Variants in LRRN1 observed in about 807,000 individuals in gnomAD.
The protein encoded by LRRN1 is leucine rich repeat neuronal 1.
LRRN1 carries 14 observed loss-of-function variants against 45.8 expected under a neutral mutation model. That is an observed-to-expected ratio of 0.31 (90% CI 0.20 to 0.48). The LOEUF (loss-of-function observed/expected upper bound fraction) is 0.48, where lower values mean the gene tolerates loss of function less well. LRRN1 is among the 20% of genes least tolerant of loss of function. The pLI is 0.99. For synonymous variants in LRRN1, 359 were observed against 330.1 expected (o/e 1.09, Z -0.95); for missense variants, 789 against 874.2 (o/e 0.90, Z 1.23).
At chr3:3,837,224 ATGC>A (rs1693540045) in intron 1 of LRRN1, among the ~76,000 whole-genome samples, 1 of 152,194 alleles carries the variant, frequency 6.6e-6, no homozygotes, top group Non-Finnish European at 1.5e-5. Flanking sequence ...TTGACTTTCC[ATGC>A]AGTATCAAGC....
intron 1 of LRRN1, among the ~76,000 whole-genome samples, chr3:3,807,096 G>A (rs1228789793): frequency 1.3e-5 from 2 of 151,970 alleles, no homozygotes; most frequent in Non-Finnish European, 2.9e-5. Context: ...AAGGACCTAC[G>A]ATGCATCGGT....
At chr3:3,842,197 C>T (rs569785498) in intron 1 of LRRN1, among the ~76,000 whole-genome samples, 8 of 152,082 alleles carry the variant, frequency 5.3e-5, no homozygotes, top group South Asian at 2.1e-4. Flanking sequence ...ATTGTATATG[C>T]GGTCCATCAT....
chr3:3,841,739 G>A (rs537775750), intron 1 of LRRN1, among the ~76,000 whole-genome samples: 13 of 152,164 alleles, frequency 8.5e-5, no homozygotes, highest in East Asian at 1.9e-4. Flanking sequence ...TGTTGGTCTC[G>A]AACTCCTGAC....
intron 1 of LRRN1, among the ~76,000 whole-genome samples, chr3:3,825,634 C>T (rs201507152): frequency 6.6e-6 from 1 of 152,220 alleles, no homozygotes; most frequent in East Asian, 1.9e-4. Context: ...GCAAGGCACT[C>T]GAGTTTCATT....
chr3:3,837,708 CT>C (rs138443731), intron 1 of LRRN1, among the ~76,000 whole-genome samples: 3,936 of 150,024 alleles, frequency 0.026, 77 homozygotes, highest in South Asian at 0.057. Context: ...ATTTTTTTTT[CT>C]TTTTTTTTAA....
intron 1 of LRRN1, among the ~76,000 whole-genome samples, chr3:3,820,161 T>C (rs1693074073): frequency 6.6e-6 from 1 of 152,230 alleles, no homozygotes; most frequent in Admixed American, 6.5e-5. Flanking sequence ...GTTTTTAGAA[T>C]TACTTTTACT....
intron 1 of LRRN1, among the ~76,000 whole-genome samples, chr3:3,837,199 T>G (rs13083087): frequency 0.66 from 99,698 of 152,104 alleles, 34,216 homozygotes; most frequent in Non-Finnish European, 0.77. Flanking sequence ...GCCCTGAGTG[T>G]GCAAAAAGAA....
rs746714242 is a variant in LRRN1, at chr3:3,845,482, G to A, written c.841G>A (p.Gly281Arg). 5.0e-6 allele frequency: 8 copies of A among 1,613,910 alleles called. No individual in the cohort carries two copies. In the African/African-American group the frequency reaches 8.0e-5, roughly 16 times the overall value. Residue 281 changes from glycine (G) to arginine (R), a missense_variant, in exon 2 of 2, where the codon GGG (glycine) becomes AGG (arginine). Coordinates refer to ENST00000319331, the MANE Select transcript of LRRN1 (RefSeq NM_020873.7). This position sits in a 1 kb window ranked among gnomAD's most constrained non-coding sequence, Gnocchi z 6.5. ...NKNPIHKIQE[G>R]DFKNMLRLKE... ...AAACCCCATTCACAAAATCCAAGAA[G>A]GGGACTTCAAAAATATGCTTCGGTT...
chr3:3,804,388 C>T (rs1397903811), intron 1 of LRRN1, among the ~76,000 whole-genome samples: 2 of 152,154 alleles, frequency 1.3e-5, no homozygotes, highest in Non-Finnish European at 2.9e-5. Flanking sequence ...TTATATGGAA[C>T]CATTGTACCT....
In LRRN1 at chr3:3,848,008, A is replaced by G. The variant is rs931356082; in HGVS notation, c.*1216A>G. ...GTGTATATATATATGAATATATTGGATATGTCATTTCTGTAAGAGTTTTGT... is the reference window on the plus strand; with the variant it reads ...GTGTATATATATATGAATATATTGGGTATGTCATTTCTGTAAGAGTTTTGT... On this transcript the variant is annotated 3_prime_UTR_variant, in exon 2 of 2. Transcript: ENST00000319331. 3.3e-5 allele frequency among the ~76,000 whole-genome samples: 5 copies of G among 152,164 alleles called. No homozygotes were observed. The highest frequency in any genetic ancestry group is 4.8e-5 in the African/African-American group (2 of 41,430).
At chr3:3,830,647 C>G (rs1218924667) in intron 1 of LRRN1, among the ~76,000 whole-genome samples, 1 of 152,204 alleles carries the variant, frequency 6.6e-6, no homozygotes, top group African/African-American at 2.4e-5. Flanking sequence ...GCAGGGTGGC[C>G]TGAGTGGAGA....
At chr3:3,802,359 C>T (rs1181210086) in intron 1 of LRRN1, among the ~76,000 whole-genome samples, 1 of 152,152 alleles carries the variant, frequency 6.6e-6, no homozygotes, top group African/African-American at 2.4e-5. Context: ...CTTTTGTCAA[C>T]CTCAAACACT....
chr3:3,812,885 A>T (rs1022439452), intron 1 of LRRN1, among the ~76,000 whole-genome samples: 2 of 151,478 alleles, frequency 1.3e-5, no homozygotes, highest in African/African-American at 2.4e-5. Context: ...GATATAATGC[A>T]TGTGAACGTG....
chr3:3,845,895 G>C lies in LRRN1; in HGVS notation c.1254G>C (p.Ser418=). ...HQVKEVLIQD[S]SEQCLPMISH... Reference sequence around the variant, plus strand: ...TGAAGGAAGTTTTAATCCAGGATTCGAGTGAACAGTGCCTCCCAATGATAT... The same window carrying C: ...TGAAGGAAGTTTTAATCCAGGATTCCAGTGAACAGTGCCTCCCAATGATAT... Residue 418 remains serine (S), a synonymous_variant, in exon 2 of 2, where the codon TCG becomes TCC. Coordinates refer to ENST00000319331, the MANE Select transcript of LRRN1 (RefSeq NM_020873.7). This position sits in a 1 kb window ranked among gnomAD's most constrained non-coding sequence, Gnocchi z 6.5. 3 of 1,614,066 alleles carry C rather than the reference G, an allele frequency of 1.9e-6. No homozygotes were observed. The highest frequency in any genetic ancestry group is 2.2e-5 in the East Asian group (1 of 44,866).
Position 3,849,744 on chromosome 3 carries a change from T to C in LRRN1, c.*2952T>C, listed in dbSNP as rs186702145. 2.0e-5 allele frequency among the ~76,000 whole-genome samples: 3 copies of C among 152,312 alleles called. No individual in the cohort carries two copies. Among genetic ancestry groups the C allele is most frequent in the Admixed American group, 2.0e-4 (3 of 15,304 alleles). On this transcript the variant is annotated 3_prime_UTR_variant, in exon 2 of 2. Coordinates refer to ENST00000319331, the MANE Select transcript of LRRN1 (RefSeq NM_020873.7). ...CTGATGCCATGGATATAAAAACAAATGTAATGTTTGATTGTCAGTGTTTCT... is the reference window on the plus strand; with the variant it reads ...CTGATGCCATGGATATAAAAACAAACGTAATGTTTGATTGTCAGTGTTTCT...
At chr3:3,832,739 C>G (rs1411278749) in intron 1 of LRRN1, among the ~76,000 whole-genome samples, 1 of 152,184 alleles carries the variant, frequency 6.6e-6, no homozygotes, top group Non-Finnish European at 1.5e-5. Context: ...TGGCTCCAGT[C>G]TGGAAATTGA....
At chr3:3,808,474 G>A (rs1018268002) in intron 1 of LRRN1, among the ~76,000 whole-genome samples, 1 of 152,222 alleles carries the variant, frequency 6.6e-6, no homozygotes, top group African/African-American at 2.4e-5. Context: ...ATGAATGAAT[G>A]GGTACACATC....
intron 1 of LRRN1, among the ~76,000 whole-genome samples, chr3:3,817,803 G>C (rs1693018553): frequency 6.6e-6 from 1 of 152,014 alleles, no homozygotes; most frequent in Non-Finnish European, 1.5e-5. Context: ...GATGAGCAGA[G>C]AAAAATGCAA....
At chr3:3,836,209 C>CTTT (rs1693508732) in intron 1 of LRRN1, among the ~76,000 whole-genome samples, 1 of 152,088 alleles carries the variant, frequency 6.6e-6, no homozygotes, top group South Asian at 2.1e-4. Context: ...GTGGTAAAAA[C>CTTT]ACTTAACATT....
Sources: gnomAD v4.1 joint callset for allele counts (sites outside exome capture counted in the v4.1 genomes callset) on GRCh38, gnomAD v4.1.1 for gene constraint, Gnocchi (gnomAD v3.1) non-coding constraint, MANE v1.5 for transcripts, NCBI Gene and HGNC (gene_info 2026-07-23, HGNC 2026-07-21) for gene names.